SVIL: variants seen among roughly 807,000 people sequenced by gnomAD.
SVIL encodes supervillin.
A neutral mutation model predicts 240.4 loss-of-function variants in SVIL; 101 were observed. The observed-to-expected ratio is 0.42, with a 90% CI of 0.36 to 0.50. The LOEUF (loss-of-function observed/expected upper bound fraction) is 0.50. Ranked by LOEUF, SVIL falls within the 20% of genes least tolerant of loss-of-function variation. The pLI, the probability that SVIL is intolerant of heterozygous loss-of-function variation, is 0.01. For synonymous variants in SVIL, 999 were observed against 1,100.0 expected, an observed-to-expected ratio of 0.91 and a Z score of 1.82; for missense variants, 2,512 against 2,818.7, an observed-to-expected ratio of 0.89 and a Z score of 2.46.
rs56116501 is a variant in SVIL at position 29,504,021 on chromosome 10, G to A, written c.3517-4758C>T. On this transcript the variant is annotated intron_variant, in intron 17 of 37. Coordinates refer to ENST00000355867, the MANE Select transcript of SVIL (RefSeq NM_021738.3). ...CAGTCAAATAGATCAATGGAATAGA[G>A]AGCTCAATAATAGATTCATATAAAT... Among the ~76,000 whole-genome samples the A allele has an allele frequency of 5.5e-3, 831 of 152,294 alleles. 6 individuals carry two copies. The highest frequency in any genetic ancestry group is 7.7e-3 in the Non-Finnish European group (525 of 68,028).
chr10:29,522,751 C>T (rs932860947), intron 15 of SVIL, 116 bp from the exon 16 acceptor site: 6 of 1,155,420 alleles, frequency 5.2e-6, no homozygotes, highest in Non-Finnish European at 7.3e-6. Flanking sequence ...GGCGGGTGAC[C>T]CAATCCACTG....
chr10:29,555,319 C>G lies in SVIL; in HGVS notation c.-50-211G>C, dbSNP rs574324960. On this transcript the variant is annotated intron_variant, in intron 3 of 37. Transcript: ENST00000355867. ...AAATGAATAAGAGTGTGCAGACACA[C>G]ACACACACACACACACACACACACA... is the stretch of plus-strand genomic sequence containing the variant. Among the ~76,000 whole-genome samples, 5 of 133,922 alleles carry G rather than the reference C, an allele frequency of 3.7e-5. No homozygotes were observed. The Admixed American group carries it at 4.1e-4, about 11-fold the overall frequency. 87.9% of individuals were successfully genotyped at this position (133,922 alleles called of 152,430 possible).
intron 3 of SVIL, among the ~76,000 whole-genome samples, chr10:29,646,779 T>TG (rs1443160320): frequency 2.6e-5 from 4 of 152,102 alleles, no homozygotes; most frequent in Non-Finnish European, 5.9e-5. Flanking sequence ...AAACCTAACA[T>TG]GGGAACCCAC....
In SVIL at chr10:29,484,633, TC is replaced by T. The variant is rs1222076658; in HGVS notation, c.4955+22del. On this transcript the variant is annotated intron_variant, in intron 27 of 37. Transcript: ENST00000355867. This position sits in a 1 kb window ranked among gnomAD's most constrained non-coding sequence, Gnocchi z 4.7. ...GGGAATCAGCTCGCTTGAAGAGCTG[TC>T]CCCGGGCGGCGGCAGGAGTACCTGG... The T allele has an allele frequency of 3.8e-6, 6 of 1,599,942 alleles. No homozygotes were observed. Among genetic ancestry groups the T allele is most frequent in the Middle Eastern group, 1.7e-4 (1 of 5,998 alleles).
At chr10:29,661,843 T>C (rs939501738) in intron 2 of SVIL, among the ~76,000 whole-genome samples, 10 of 152,218 alleles carry the variant, frequency 6.6e-5, no homozygotes, top group African/African-American at 2.4e-4. Flanking sequence ...CTTTCTTTTT[T>C]TTTGAGATGG....
At chr10:29,728,078 C>A (rs1456901629) in intron 1 of SVIL, among the ~76,000 whole-genome samples, 4 of 152,222 alleles carry the variant, frequency 2.6e-5, no homozygotes, top group African/African-American at 4.8e-5. Flanking sequence ...GCATCCCTAG[C>A]GAGGCTTTTG....
At chr10:29,578,116 T>C (rs1313861695) in intron 1 of SVIL, among the ~76,000 whole-genome samples, 1 of 152,226 alleles carries the variant, frequency 6.6e-6, no homozygotes, top group Non-Finnish European at 1.5e-5. Context: ...ACTCCATTAC[T>C]GATTTGAAAA....
chr10:29,529,936 TAAG>T, intron 11 of SVIL, 92 bp from the exon 12 acceptor site: 2 of 1,340,274 alleles, frequency 1.5e-6, no homozygotes, highest in Non-Finnish European at 2.0e-6. Flanking sequence ...TTTGGGAGGC[TAAG>T]GAGGGAAGAT....
intron 3 of SVIL, among the ~76,000 whole-genome samples, chr10:29,562,553 G>A (rs1723070828): frequency 6.6e-6 from 1 of 152,140 alleles, no homozygotes; most frequent in Non-Finnish European, 1.5e-5. Flanking sequence ...CTAAGATCGG[G>A]AGTCGAAACC....
At chr10:29,480,437 C>T (rs891062218) in intron 29 of SVIL, 100 bp downstream of exon 29, 46 of 1,469,588 alleles carry the variant, frequency 3.1e-5, no homozygotes, top group Middle Eastern at 2.5e-4. Context: ...ACTGCACGGA[C>T]GCAGCAGAGG....
intron 3 of SVIL, among the ~76,000 whole-genome samples, chr10:29,556,840 T>C (rs756224809): frequency 6.6e-6 from 1 of 152,166 alleles, no homozygotes; most frequent in Non-Finnish European, 1.5e-5. Flanking sequence ...AGGACATATT[T>C]TGAAAATATT....
chr10:29,721,863 A>T (rs1460282050), intron 1 of SVIL, among the ~76,000 whole-genome samples: 1 of 152,224 alleles, frequency 6.6e-6, no homozygotes, highest in Admixed American at 6.5e-5. Context: ...TACTGGTATC[A>T]TCGTAACTAG....
chr10:29,609,553 G>A (rs544940384), intron 1 of SVIL, among the ~76,000 whole-genome samples: 1 of 152,380 alleles, frequency 6.6e-6, no homozygotes, highest in South Asian at 2.1e-4. Context: ...TGGAAGCCCA[G>A]ACCTTGGTGC....
chr10:29,499,048 C>T (rs1948674599), intron 18 of SVIL, 68 bp downstream of exon 18: 1 of 1,569,672 alleles, frequency 6.4e-7, no homozygotes, highest in African/African-American at 1.4e-5. Context: ...ACCATGCCCT[C>T]CATGGGTAAG....
intron 1 of SVIL, among the ~76,000 whole-genome samples, chr10:29,633,388 C>T (rs1958184652): frequency 6.6e-6 from 1 of 152,072 alleles, no homozygotes; most frequent in Non-Finnish European, 1.5e-5. Flanking sequence ...AGCAGTTTGG[C>T]CAGGGTAATG....
intron 2 of SVIL, among the ~76,000 whole-genome samples, chr10:29,660,608 G>A (rs920528939): frequency 1.3e-5 from 2 of 152,064 alleles, no homozygotes; most frequent in African/African-American, 2.4e-5. Context: ...ATTCTGGTGG[G>A]GGGAACGGGC....
intron 6 of SVIL, among the ~76,000 whole-genome samples, chr10:29,540,772 C>T (rs1952088938): frequency 6.6e-6 from 1 of 152,146 alleles, no homozygotes; most frequent in Non-Finnish European, 1.5e-5. Flanking sequence ...GTGCCGTTTC[C>T]ACCGTCAGAA....
intron 1 of SVIL, chr10:29,711,937 A>G (rs1203864311): frequency 6.8e-6 from 1 of 146,956 alleles, no homozygotes; most frequent in Non-Finnish European, 1.6e-5. Flanking sequence ...GGAATGATAT[A>G]CTAAAATTGG....
intron 1 of SVIL, among the ~76,000 whole-genome samples, chr10:29,599,584 C>A (rs1250337503): frequency 2.6e-5 from 4 of 151,834 alleles, no homozygotes; most frequent in Non-Finnish European, 4.4e-5. Flanking sequence ...GCCAGCTAAT[C>A]TTTTGTATTT....
Sources: allele counts gnomAD v4.1 joint callset (sites outside exome capture counted in the v4.1 genomes callset), GRCh38; gene constraint gnomAD v4.1.1; non-coding constraint Gnocchi (gnomAD v3.1); transcripts MANE v1.5; gene names NCBI Gene and HGNC (gene_info 2026-07-23, HGNC 2026-07-21).